UXS1: variants seen among roughly 807,000 people sequenced by gnomAD.
The protein encoded by UXS1 is UDP-glucuronate decarboxylase 1, also known as UDP-glucuronic acid decarboxylase 1.
Under a neutral mutation model 62.6 loss-of-function variants are expected in UXS1, and 33 were observed. The ratio of observed to expected loss-of-function variants is 0.53; its 90% CI spans 0.40 to 0.70. The LOEUF is 0.70. Among genes scored for constraint, UXS1 ranks in the 30% least tolerant of loss-of-function variants. The pLI, the probability that UXS1 is intolerant of heterozygous loss-of-function variation, is 0.00. For missense variants in UXS1, 434 were observed against 556.3 expected (o/e 0.78, Z 2.21); for synonymous variants, 213 against 206.8 (o/e 1.03, Z -0.26).
chr2:106,145,042 C>CA (rs1322541603), intron 6 of UXS1, 148 bp downstream of exon 6: 2 of 847,992 alleles, frequency 2.4e-6, no homozygotes, highest in African/African-American at 3.4e-5. Context: ...ACTAGGACGG[C>CA]ACCTCATACA....
chr2:106,098,956 G>A (rs537369007), intron 12 of UXS1, among the ~76,000 whole-genome samples, 183 bp from the exon 13 acceptor site: 1 of 152,318 alleles, frequency 6.6e-6, no homozygotes, highest in South Asian at 2.1e-4. Flanking sequence ...ACCTGGCAGT[G>A]CTAAACTGCA....
intron 6 of UXS1, among the ~76,000 whole-genome samples, chr2:106,130,283 T>G (rs1476825295): frequency 6.6e-6 from 1 of 152,156 alleles, no homozygotes; most frequent in Non-Finnish European, 1.5e-5. Context: ...TTTAAAGCCA[T>G]GAATGGCAAA....
chr2:106,119,167 G>T (rs1217353579), intron 9 of UXS1, among the ~76,000 whole-genome samples: 1 of 152,206 alleles, frequency 6.6e-6, no homozygotes, highest in Non-Finnish European at 1.5e-5. Flanking sequence ...GCTACTGCAG[G>T]CGCATGAACC....
intron 6 of UXS1, among the ~76,000 whole-genome samples, chr2:106,141,863 G>A (rs541820673): frequency 3.3e-3 from 296 of 90,256 alleles, no homozygotes; most frequent in Middle Eastern, 0.02. Context: ...GTTAGCTTCA[G>A]TGTTTTTTTT....
chr2:106,161,158 C>A (rs1012363518), intron 4 of UXS1, among the ~76,000 whole-genome samples: 2 of 151,370 alleles, frequency 1.3e-5, no homozygotes, highest in African/African-American at 4.8e-5. Context: ...ACCTGCTGGA[C>A]TGACTCAGGG....
intron 4 of UXS1, chr2:106,160,463 T>G (rs1348474971): frequency 6.6e-6 from 1 of 152,196 alleles, no homozygotes; most frequent in East Asian, 1.9e-4. Context: ...CTACCGTGTA[T>G]ATGATTTTAG....
chr2:106,097,329 T>C, intron 13 of UXS1: 1 of 410,276 alleles, frequency 2.4e-6, no homozygotes, highest in South Asian at 1.7e-5. Context: ...CGGCAAAGGC[T>C]GGCCTGTTCC....
chr2:106,183,113 G>A (rs965781831), intron 1 of UXS1, among the ~76,000 whole-genome samples: 2 of 151,970 alleles, frequency 1.3e-5, no homozygotes, highest in East Asian at 3.9e-4. Context: ...ATTTCCACCA[G>A]AGCCATCACT....
intron 12 of UXS1, among the ~76,000 whole-genome samples, chr2:106,100,041 C>T (rs902067427): frequency 2.0e-5 from 3 of 152,222 alleles, no homozygotes; most frequent in African/African-American, 7.2e-5. Context: ...ACATGGCCAA[C>T]ATTTTAGAGT....
intron 9 of UXS1, 54 bp downstream of exon 9, chr2:106,122,916 G>C: frequency 6.2e-7 from 1 of 1,600,446 alleles, no homozygotes. Context: ...CTTTACATCT[G>C]AGGTCAGGGT....
chr2:106,151,253 T>C (rs1681990194), intron 5 of UXS1, among the ~76,000 whole-genome samples: 1 of 152,110 alleles, frequency 6.6e-6, no homozygotes, highest in Non-Finnish European at 1.5e-5. Flanking sequence ...ATAAATACAT[T>C]TTGCATGTAA....
chr2:106,182,298 C>T (rs575745660), intron 1 of UXS1, among the ~76,000 whole-genome samples: 2 of 152,274 alleles, frequency 1.3e-5, no homozygotes, highest in South Asian at 2.1e-4. Context: ...TGAATTTGTC[C>T]TGGGCCACAT....
At chr2:106,118,251 A>AAT (rs1270625154) in intron 9 of UXS1, among the ~76,000 whole-genome samples, 2 of 151,736 alleles carry the variant, frequency 1.3e-5, no homozygotes, top group Non-Finnish European at 2.9e-5. Flanking sequence ...ACTCAGGTAG[A>AAT]ATATATATAC....
chr2:106,190,856 TA>T (rs200337645), intron 1 of UXS1, among the ~76,000 whole-genome samples: 3 of 150,812 alleles, frequency 2.0e-5, no homozygotes, highest in South Asian at 2.1e-4. Context: ...ATATGCATGT[TA>T]AAAAAAAATA....
intron 9 of UXS1, among the ~76,000 whole-genome samples, chr2:106,119,924 TTC>T (rs1281889973): frequency 6.6e-6 from 1 of 152,248 alleles, no homozygotes; most frequent in Non-Finnish European, 1.5e-5. Flanking sequence ...ATAGCAATTT[TTC>T]TTTTTTCTTG....
At chr2:106,150,271 T>C (rs1023837854) in intron 5 of UXS1, among the ~76,000 whole-genome samples, 1 of 152,166 alleles carries the variant, frequency 6.6e-6, no homozygotes, top group African/African-American at 2.4e-5. Flanking sequence ...AGCCTTACCA[T>C]ATAAAGAATG....
chr2:106,101,100 G>A lies in UXS1; in HGVS notation c.942C>T (p.Leu314=), dbSNP rs368848214. The A allele has an allele frequency of 7.0e-5, 113 of 1,613,810 alleles. No homozygotes were observed. In the African/African-American group the frequency reaches 1.2e-3, roughly 17 times the overall value. Residue 314 remains leucine (L), a synonymous_variant, in exon 12 of 15, where the codon CTC becomes CTT. Coordinates refer to ENST00000283148, the MANE Select transcript of UXS1 (RefSeq NM_001253875.2). ...TGACGTTGCTGTTCATGAGAGCCAC[G>A]AGGCCATTCACTAGATCGCTGGAAA... ...FQYVSDLVNG[L]VALMNSNVSS... is the part of the protein sequence containing the mutation.
At chr2:106,138,295 C>A (rs1429219938) in intron 6 of UXS1, 1 of 985,410 alleles carries the variant, frequency 1.0e-6, no homozygotes, top group Non-Finnish European at 1.2e-6. Flanking sequence ...CTTGCCTGCA[C>A]CACTAGTCCA....
At chr2:106,163,097 G>T (rs1466482633) in intron 4 of UXS1, among the ~76,000 whole-genome samples, 2 of 152,214 alleles carry the variant, frequency 1.3e-5, no homozygotes, top group South Asian at 4.1e-4. Context: ...GGCCTCGGGA[G>T]TGCCTGAGAG....
Sources: gnomAD v4.1 joint callset for allele counts (sites outside exome capture counted in the v4.1 genomes callset) on GRCh38, gnomAD v4.1.1 for gene constraint, MANE v1.5 for transcripts, NCBI Gene and HGNC (gene_info 2026-07-23, HGNC 2026-07-21) for gene names.